CNTN5: variants seen among roughly 807,000 people sequenced by gnomAD.
The protein encoded by CNTN5 is contactin 5, also known as contactin-5.
In CNTN5, 77 loss-of-function variants were observed where a neutral mutation model predicts 129.1. That is an observed-to-expected ratio of 0.60 (90% CI 0.50 to 0.72). CNTN5 has a LOEUF of 0.72. CNTN5 is among the 30% of genes least tolerant of loss of function. CNTN5 has a pLI of 0.00. For missense variants in CNTN5, 1,478 were observed against 1,328.8 expected (o/e 1.11, Z -1.75); for synonymous variants, 509 against 465.6 (o/e 1.09, Z -1.20).
At chr11:99,360,851 T>C (rs1939060846) in intron 2 of CNTN5, among the ~76,000 whole-genome samples, 1 of 152,232 alleles carries the variant, frequency 6.6e-6, no homozygotes, top group African/African-American at 2.4e-5. Context: ...TTCAGATCTC[T>C]AAGTTCTAAT....
intron 2 of CNTN5, among the ~76,000 whole-genome samples, chr11:99,509,113 C>G (rs1178293915): frequency 1.3e-5 from 2 of 152,030 alleles, no homozygotes; most frequent in Admixed American, 1.3e-4. Flanking sequence ...ACCAAAAGTA[C>G]TAAGTTGAAT....
chr11:99,478,249 T>C (rs1288437634), intron 2 of CNTN5, among the ~76,000 whole-genome samples: 1 of 152,042 alleles, frequency 6.6e-6, no homozygotes, highest in Non-Finnish European at 1.5e-5. Flanking sequence ...GAAGACTCAG[T>C]TGGAAAGGGC....
intron 2 of CNTN5, among the ~76,000 whole-genome samples, chr11:99,527,616 C>G (rs145722083): frequency 1.4e-4 from 22 of 152,116 alleles, no homozygotes; most frequent in Admixed American, 3.3e-4. Context: ...AAAAAAATAA[C>G]CTCTCTATTT....
chr11:100,129,992 A>T (rs2138203547), intron 13 of CNTN5, among the ~76,000 whole-genome samples: 1 of 152,228 alleles, frequency 6.6e-6, no homozygotes, highest in Non-Finnish European at 1.5e-5. Context: ...AGGAATATAG[A>T]CTGGAAATCA....
At chr11:99,494,556 C>T (rs932710678) in intron 2 of CNTN5, among the ~76,000 whole-genome samples, 3 of 152,074 alleles carry the variant, frequency 2.0e-5, no homozygotes, top group Non-Finnish European at 2.9e-5. Flanking sequence ...ACTTTAATGC[C>T]TGAAGAAAAA....
chr11:99,934,195 A>G (rs1271468465), intron 7 of CNTN5, among the ~76,000 whole-genome samples: 1 of 152,224 alleles, frequency 6.6e-6, no homozygotes, highest in Non-Finnish European at 1.5e-5. Context: ...GTCTGAAGAA[A>G]TCAAATATTA....
chr11:99,674,615 A>G (rs1953192186), intron 3 of CNTN5, among the ~76,000 whole-genome samples: 1 of 152,164 alleles, frequency 6.6e-6, no homozygotes, highest in Admixed American at 6.5e-5. Context: ...CACTCTTGTC[A>G]GACCCAAACG....
At chr11:99,142,778 T>C (rs962491744) in intron 1 of CNTN5, among the ~76,000 whole-genome samples, 8 of 152,154 alleles carry the variant, frequency 5.3e-5, no homozygotes, top group African/African-American at 1.7e-4. Context: ...GTCCTGTCCC[T>C]GCTGACTCTC....
intron 21 of CNTN5, chr11:100,309,473 A>G (rs887225733): frequency 1.0e-6 from 1 of 968,954 alleles, no homozygotes; most frequent in African/African-American, 1.8e-5. Flanking sequence ...ATGGGAAACC[A>G]TTACCTACTT....
chr11:99,411,734 T>C (rs746264995), intron 2 of CNTN5, among the ~76,000 whole-genome samples: 15 of 152,164 alleles, frequency 9.9e-5, no homozygotes, highest in African/African-American at 4.8e-5. Context: ...CCAGCAAAGA[T>C]CTGGATTATC....
intron 3 of CNTN5, among the ~76,000 whole-genome samples, chr11:99,634,797 T>A (rs764936774): frequency 2.0e-5 from 3 of 152,080 alleles, no homozygotes; most frequent in Non-Finnish European, 4.4e-5. Flanking sequence ...CGGAGATGGA[T>A]TGGAACAGAA....
At chr11:99,769,551 C>G (rs1944872068) in intron 3 of CNTN5, among the ~76,000 whole-genome samples, 1 of 151,974 alleles carries the variant, frequency 6.6e-6, no homozygotes, top group Non-Finnish European at 1.5e-5. Context: ...TTTGATTTGC[C>G]TTACATATAG....
intron 9 of CNTN5, among the ~76,000 whole-genome samples, chr11:100,044,994 T>G (rs906471932): frequency 6.6e-6 from 1 of 152,118 alleles, no homozygotes; most frequent in African/African-American, 2.4e-5. Flanking sequence ...TTAGGTCTCC[T>G]TTTTTCTCAG....
chr11:99,996,240 T>C (rs1358998873), intron 8 of CNTN5, among the ~76,000 whole-genome samples: 2 of 152,170 alleles, frequency 1.3e-5, no homozygotes, highest in African/African-American at 4.8e-5. Flanking sequence ...ATTACTATTA[T>C]TACAGCTCAG....
At position 99,739,596 on chromosome 11, in the gene CNTN5, A is replaced by C. The variant is rs1294986036; in HGVS notation, c.56-79948A>C. Among the ~76,000 whole-genome samples the C allele has an allele frequency of 2.0e-5, 3 of 152,262 alleles. No individual in the cohort carries two copies. In the East Asian group the frequency reaches 5.8e-4, roughly 29 times the overall value. Reference sequence around the variant, plus strand: ...TGAACATGTATCTTATTACTAGAGAAGATGGAAAGGTGGAGGGGCTTGGAG... The same window carrying C: ...TGAACATGTATCTTATTACTAGAGACGATGGAAAGGTGGAGGGGCTTGGAG... On this transcript the variant is annotated intron_variant, in intron 3 of 24. Transcript: ENST00000524871.
intron 1 of CNTN5, among the ~76,000 whole-genome samples, chr11:99,225,179 G>A (rs1349600060): frequency 3.3e-5 from 5 of 152,136 alleles, no homozygotes; most frequent in Non-Finnish European, 7.4e-5. Context: ...TTAAGGAGAT[G>A]AAGAGTAATC....
At chr11:99,047,393 A>C (rs1026083125) in intron 1 of CNTN5, among the ~76,000 whole-genome samples, 4 of 151,582 alleles carry the variant, frequency 2.6e-5, no homozygotes, top group African/African-American at 7.3e-5. Flanking sequence ...AAAAAAAAAA[A>C]AAACCAAAAA....
chr11:99,996,669 A>G (rs575898708), intron 8 of CNTN5, among the ~76,000 whole-genome samples: 3 of 152,304 alleles, frequency 2.0e-5, no homozygotes, highest in African/African-American at 7.2e-5. Flanking sequence ...AATACTTGAG[A>G]CTGGGTAACT....
At chr11:100,209,922 CTT>C (rs1438508005) in intron 15 of CNTN5, among the ~76,000 whole-genome samples, 1 of 152,066 alleles carries the variant, frequency 6.6e-6, no homozygotes, top group African/African-American at 2.4e-5. Flanking sequence ...TGCTGCAGAG[CTT>C]AACTAGTGGA....
Sources: allele counts gnomAD v4.1 joint callset (sites outside exome capture counted in the v4.1 genomes callset), GRCh38; gene constraint gnomAD v4.1.1; transcripts MANE v1.5; gene names NCBI Gene and HGNC (gene_info 2026-07-23, HGNC 2026-07-21).